Variants in DEFB4A observed in about 807,000 individuals in gnomAD.
DEFB4A encodes the protein defensin beta 4A, also known as beta defensin-2.
At chr8:7,895,801 GA>G (rs548392937) in intron 1 of DEFB4A, among the ~76,000 whole-genome samples, 1,509 of 4,392 alleles carry the variant, frequency 0.34, 163 homozygotes, top group African/African-American at 0.5. Flanking sequence ...AGGCTGGTGG[GA>G]GGGGGAGGGA....
intron 1 of DEFB4A, 113 bp downstream of exon 1, chr8:7,894,883 CCT>C: frequency 3.6e-5 from 46 of 1,269,926 alleles, no homozygotes; most frequent in Non-Finnish European, 4.9e-5. Context: ...CTCTCTCCTT[CCT>C]CTCTCTGTGT....
intron 1 of DEFB4A, among the ~76,000 whole-genome samples, chr8:7,896,064 A>T (rs1301237851): frequency 9.7e-6 from 1 of 102,986 alleles, no homozygotes; most frequent in African/African-American, 3.5e-5. Flanking sequence ...AACAGACTAA[A>T]TGATTTGAAA....
rs1818988059 is a variant in DEFB4A, at chr8:7,895,183, G to A, written c.58+413G>A. On this transcript the variant is annotated intron_variant, in intron 1 of 1. Coordinates refer to ENST00000302247, the MANE Select transcript of DEFB4A (RefSeq NM_004942.4). ...ATATCATCTCTTCACTGCTTTCCAT[G>A]CTACAACTGCTGAGACTATGGTTGA... Among the ~76,000 whole-genome samples, 2 of 101,156 alleles carry A rather than the reference G, an allele frequency of 2.0e-5. 1 individual carries two copies. Among genetic ancestry groups the A allele is most frequent in the African/African-American group, 7.7e-5 (2 of 25,878 alleles). 66.4% of individuals were successfully genotyped at this position (101,156 alleles called of 152,430 possible). A position where few individuals can be genotyped will look rare whatever the true frequency, so the allele number is the denominator to read the frequency against.
chr8:7,895,741 C>G (rs1181113117), intron 1 of DEFB4A, among the ~76,000 whole-genome samples: 1 of 74,654 alleles, frequency 1.3e-5, no homozygotes, highest in Non-Finnish European at 2.8e-5. Context: ...TTTTCCAAAA[C>G]CTAGAACAGT....
chr8:7,895,853 A>C (rs1360654787), intron 1 of DEFB4A, among the ~76,000 whole-genome samples: 1 of 32,092 alleles, frequency 3.1e-5, no homozygotes, highest in Admixed American at 3.2e-4. Context: ...GAGGGAGGGA[A>C]GGAGGGAAGG....
rs1401038818 is a variant in DEFB4A at position 7,895,182 on chromosome 8, T to G, written c.58+412T>G. 2.0e-5 allele frequency among the ~76,000 whole-genome samples: 2 copies of G among 101,568 alleles called. 1 individual carries two copies. The highest frequency in any genetic ancestry group is 7.7e-5 in the African/African-American group (2 of 26,038). 66.6% of individuals were successfully genotyped at this position (101,568 alleles called of 152,430 possible). A position where few individuals can be genotyped will look rare whatever the true frequency, so the allele number is the denominator to read the frequency against. On this transcript the variant is annotated intron_variant, in intron 1 of 1. Coordinates refer to ENST00000302247, the MANE Select transcript of DEFB4A (RefSeq NM_004942.4). ...AATATCATCTCTTCACTGCTTTCCA[T>G]GCTACAACTGCTGAGACTATGGTTG...
At chr8:7,895,798 TGGG>T (rs1818996342) in intron 1 of DEFB4A, among the ~76,000 whole-genome samples, 1 of 2,790 alleles carries the variant, frequency 3.6e-4, no homozygotes, top group African/African-American at 1.5e-3. Context: ...GGCAGGCTGG[TGGG>T]AGGGGGAGGG....
chr8:7,895,323 A>G lies in DEFB4A; in HGVS notation c.58+553A>G, dbSNP rs1394182092. Among the ~76,000 whole-genome samples, 2 of 99,192 alleles carry G rather than the reference A, an allele frequency of 2.0e-5. 1 individual carries two copies. Among genetic ancestry groups the G allele is most frequent in the Non-Finnish European group, 4.2e-5 (2 of 47,066 alleles). 65.1% of individuals were successfully genotyped at this position (99,192 alleles called of 152,430 possible). A position where few individuals can be genotyped will look rare whatever the true frequency, so the allele number is the denominator to read the frequency against. ...ATTTAAAGAGTAGATACTGCAACCT[A>G]GAGAATTCCAGATAATCTTAAGGCC... On this transcript the variant is annotated intron_variant, in intron 1 of 1. Transcript: ENST00000302247.
At chr8:7,895,322 T>G (rs1390362237) in intron 1 of DEFB4A, among the ~76,000 whole-genome samples, 1 of 99,228 alleles carries the variant, frequency 1.0e-5, no homozygotes, top group Admixed American at 1.0e-4. Flanking sequence ...TACTGCAACC[T>G]AGAGAATTCC....
chr8:7,896,034 C>G (rs1585734766), intron 1 of DEFB4A, among the ~76,000 whole-genome samples: 1 of 103,038 alleles, frequency 9.7e-6, no homozygotes, highest in East Asian at 3.9e-4. Flanking sequence ...CTTTTTTATC[C>G]CATCTCAGAT....
Position 7,894,764 on chromosome 8 carries a change from C to G in DEFB4A, c.52C>G (p.Leu18Val). 1 of 1,612,184 alleles carries G rather than the reference C, an allele frequency of 6.2e-7. No homozygotes were observed. ...FSFLFIFLMPLPGVFGGIGDP... is the reference protein window; with the variant it reads ...FSFLFIFLMPVPGVFGGIGDP... ...GTTCCTCTTCATATTCCTGATGCCT[C>G]TTCCAGGTGAGATGGGCCAGGGAAA... is the stretch of plus-strand genomic sequence containing the variant. Residue 18 changes from leucine to valine, a missense_variant, in exon 1 of 2, where the codon CTT becomes GTT. Coordinates refer to ENST00000302247, the MANE Select transcript of DEFB4A (RefSeq NM_004942.4).
chr8:7,895,259 A>C lies in DEFB4A; in HGVS notation c.58+489A>C, dbSNP rs1253646365. Among the ~76,000 whole-genome samples, 13 of 101,898 alleles carry C rather than the reference A, an allele frequency of 1.3e-4. 4 individuals are homozygous for C. The highest frequency in any genetic ancestry group is 1.3e-3 in the Admixed American group (13 of 10,266). 66.8% of individuals were successfully genotyped at this position (101,898 alleles called of 152,430 possible). On this transcript the variant is annotated intron_variant, in intron 1 of 1. Coordinates refer to ENST00000302247, the MANE Select transcript of DEFB4A (RefSeq NM_004942.4). ...AAAGGCAGAAATTTTGATTTTATCT[A>C]AAGAAAGTAGTATAGAATGTCATTT...
At chr8:7,895,845 G>A (rs1474675150) in intron 1 of DEFB4A, among the ~76,000 whole-genome samples, 1,345 of 45,474 alleles carry the variant, frequency 0.03, 152 homozygotes, top group African/African-American at 0.1. Flanking sequence ...GAGGGAGGGA[G>A]GGAGGGAAGG....
Position 7,896,190 on chromosome 8 carries a change from C to T in DEFB4A, c.59-284C>T. Among the ~76,000 whole-genome samples the T allele has an allele frequency of 2.0e-5, 2 of 101,016 alleles. 1 individual carries two copies. The highest frequency in any genetic ancestry group is 4.3e-5 in the Non-Finnish European group (2 of 46,016). The allele number at this position is 101,016 out of a possible 152,430, so 66.3% of individuals were successfully genotyped here. A position where few individuals can be genotyped will look rare whatever the true frequency, so the allele number is the denominator to read the frequency against. On this transcript the variant is annotated intron_variant, in intron 1 of 1. Transcript: ENST00000302247. ...TCGTTGCTGAGCTCCTGCCAGACCC[C>T]ACCTGGAGGCCCCAGTCACTCAGGA... is the stretch of plus-strand genomic sequence containing the variant.
intron 1 of DEFB4A, among the ~76,000 whole-genome samples, chr8:7,895,700 T>C (rs1258149329): frequency 1.3e-5 from 1 of 75,264 alleles, no homozygotes; most frequent in Non-Finnish European, 2.7e-5. Context: ...GTGAGAACAA[T>C]GGGGTTCTGA....
chr8:7,895,254 T>A (rs1818989642), intron 1 of DEFB4A, among the ~76,000 whole-genome samples: 1 of 101,902 alleles, frequency 9.8e-6, no homozygotes, highest in Non-Finnish European at 2.1e-5. Flanking sequence ...ATTTTGATTT[T>A]ATCTAAAGAA....
chr8:7,896,048 A>G lies in DEFB4A; in HGVS notation c.59-426A>G, dbSNP rs1344279735. ...TCTTTTTTATCCCATCTCAGATCAAATACTTAACAGACTAAATGATTTGAA... is the reference window on the plus strand; with the variant it reads ...TCTTTTTTATCCCATCTCAGATCAAGTACTTAACAGACTAAATGATTTGAA... On this transcript the variant is annotated intron_variant, in intron 1 of 1. Transcript: ENST00000302247. Among the ~76,000 whole-genome samples, 2 of 103,648 alleles carry G rather than the reference A, an allele frequency of 1.9e-5. 1 individual carries two copies. The highest frequency in any genetic ancestry group is 4.3e-5 in the Non-Finnish European group (2 of 46,964). The allele number at this position is 103,648 out of a possible 152,430, so 68.0% of individuals were successfully genotyped here. A position where few individuals can be genotyped will look rare whatever the true frequency, so the allele number is the denominator to read the frequency against.
At chr8:7,895,018 A>G (rs1818985287) in intron 1 of DEFB4A, among the ~76,000 whole-genome samples, 1 of 101,002 alleles carries the variant, frequency 9.9e-6, no homozygotes, top group Admixed American at 9.6e-5. Context: ...TCTTCTACCC[A>G]CACTTTTAGA....
chr8:7,895,478 A>T (rs200138257), intron 1 of DEFB4A, among the ~76,000 whole-genome samples: 4 of 76,984 alleles, frequency 5.2e-5, no homozygotes, highest in African/African-American at 1.6e-4. Context: ...CATTGAAACC[A>T]ACTTTTAAAC....
Sources: gnomAD v4.1 joint callset for allele counts (sites outside exome capture counted in the v4.1 genomes callset) on GRCh38, gnomAD v4.1.1 for gene constraint, MANE v1.5 for transcripts, NCBI Gene and HGNC (gene_info 2026-07-23, HGNC 2026-07-21) for gene names.